The following NUP153 variants were observed in gnomAD, a reference collection of about 807,000 sequenced individuals.
NUP153 encodes the protein nucleoporin 153, also known as nuclear pore complex protein Nup153.
A neutral mutation model predicts 134.6 loss-of-function variants in NUP153; 27 were observed. The ratio of observed to expected loss-of-function variants is 0.20; its 90% confidence interval spans 0.15 to 0.28. The LOEUF (loss-of-function observed/expected upper bound fraction) is 0.28. NUP153 is among the 10% of genes least tolerant of loss of function. NUP153 has a pLI of 1.00. For synonymous variants in NUP153, 640 were observed against 623.5 expected, an observed-to-expected ratio of 1.03 and a Z score of -0.40; for missense variants, 1,821 against 1,731.3, an observed-to-expected ratio of 1.05 and a Z score of -0.92.
rs145977467 is a variant in NUP153 at position 17,691,142 on chromosome 6, C to T, written c.112-2524G>A. On this transcript the variant is annotated intron_variant, in intron 1 of 21. Transcript: ENST00000262077. ...GGGCAACAGAGCAAAAGCGAGACTC[C>T]GTCTCAAGAAAAAAAAAGGAAAGGT... Among the ~76,000 whole-genome samples, 269 of 151,690 alleles carry T rather than the reference C, an allele frequency of 1.8e-3. 1 individual carries two copies. The highest frequency in any genetic ancestry group is 5.9e-3 in the African/African-American group (245 of 41,382).
chr6:17,658,307 A>C (rs1324231433), intron 11 of NUP153, among the ~76,000 whole-genome samples: 1 of 152,296 alleles, frequency 6.6e-6, no homozygotes, highest in Admixed American at 6.5e-5. Context: ...GAGGCACAAA[A>C]ATAGCTTGAA....
chr6:17,694,677 A>T (rs562037884), intron 1 of NUP153, among the ~76,000 whole-genome samples: 1 of 151,724 alleles, frequency 6.6e-6, no homozygotes, highest in East Asian at 2.0e-4. Context: ...AAAGAAAAGA[A>T]AAAGAAATAA....
At chr6:17,686,040 T>TG (rs1319642507) in intron 2 of NUP153, among the ~76,000 whole-genome samples, 1 of 151,942 alleles carries the variant, frequency 6.6e-6, no homozygotes, top group African/African-American at 2.4e-5. Flanking sequence ...CCCAACTACT[T>TG]GGGAGGCTGA....
At chr6:17,632,567 G>T in intron 17 of NUP153, 83 bp downstream of exon 17, 1 of 953,700 alleles carries the variant, frequency 1.0e-6, no homozygotes, top group Non-Finnish European at 1.6e-6. Flanking sequence ...GAACACTGAA[G>T]CTGTTCTCAA....
rs1380222313 is a variant in NUP153, at chr6:17,706,189, C to T, written c.111+88G>A. On this transcript the variant is annotated intron_variant, in intron 1 of 21. Transcript: ENST00000262077. The surrounding 1 kb of genome is among the most constrained non-coding windows in gnomAD (Gnocchi z 5.9). ...TTTCCTCAGGCCCTCCTGTCTGCTC[C>T]ACGTGGGGCGCCGGGGCCTCGAACC... is the stretch of plus-strand genomic sequence containing the variant. The T allele has an allele frequency of 9.3e-7, 1 of 1,075,602 alleles. No individual in the cohort carries two copies. The highest frequency in any genetic ancestry group is 1.8e-5 in the Admixed American group (1 of 54,058). The allele number at this position is 1,075,602 out of a possible 1,614,324, so 66.6% of individuals were successfully genotyped here.
Position 17,618,022 on chromosome 6 carries a change from A to G in NUP153, c.4175-1327T>C, listed in dbSNP as rs115324600. Among the ~76,000 whole-genome samples, 762 of 152,248 alleles carry G rather than the reference A, an allele frequency of 5.0e-3. 10 individuals carry two copies. The highest frequency in any genetic ancestry group is 0.017 in the African/African-American group (721 of 41,542). Reference sequence around the variant, plus strand: ...ATTAAGTGTAGCTCGATATTCACAAAATACCGAGCGCTCCAGCCATCTTCC... The same window carrying G: ...ATTAAGTGTAGCTCGATATTCACAAGATACCGAGCGCTCCAGCCATCTTCC... On this transcript the variant is annotated intron_variant, in intron 20 of 21. Transcript: ENST00000262077.
At chr6:17,634,821 T>C (rs1278463585) in intron 16 of NUP153, among the ~76,000 whole-genome samples, 1 of 152,136 alleles carries the variant, frequency 6.6e-6, no homozygotes, top group Non-Finnish European at 1.5e-5. Context: ...TTCAGTTCGA[T>C]CAGTACATTA....
chr6:17,619,092 G>GGCAAAA (rs1484021179), intron 20 of NUP153, among the ~76,000 whole-genome samples: 1 of 152,120 alleles, frequency 6.6e-6, no homozygotes, highest in Non-Finnish European at 1.5e-5. Context: ...GAACAATGGA[G>GGCAAAA]GCAAAAGAGG....
intron 5 of NUP153, among the ~76,000 whole-genome samples, chr6:17,674,419 C>T (rs533467424): frequency 2.6e-5 from 4 of 152,074 alleles, no homozygotes; most frequent in East Asian, 1.9e-4. Context: ...TGTTTATATA[C>T]CCTAAATGAA....
chr6:17,672,840 T>C (rs1286642188), intron 5 of NUP153, among the ~76,000 whole-genome samples: 1 of 152,028 alleles, frequency 6.6e-6, no homozygotes, highest in Non-Finnish European at 1.5e-5. Context: ...CTTTTTAATT[T>C]AGAAAATAAA....
At chr6:17,621,338 G>A (rs1355126451) in intron 20 of NUP153, among the ~76,000 whole-genome samples, 1 of 152,130 alleles carries the variant, frequency 6.6e-6, no homozygotes, top group Non-Finnish European at 1.5e-5. Flanking sequence ...TTATGATCCA[G>A]CAATCCCACT....
rs550457046 is a variant in NUP153, at chr6:17,659,703, C to T, written c.1395+1950G>A. On this transcript the variant is annotated intron_variant, in intron 11 of 21. Transcript: ENST00000262077. ...GGCCAGGATGGTCTCGATCTCTTGA[C>T]CTCGTGATCCGCCCGCCTTGGCCTC... 2.0e-5 allele frequency among the ~76,000 whole-genome samples: 3 copies of T among 152,252 alleles called. No individual in the cohort carries two copies. The South Asian group carries it at 6.2e-4, about 32-fold the overall frequency.
intron 11 of NUP153, among the ~76,000 whole-genome samples, chr6:17,649,830 A>G (rs1052284945): frequency 6.6e-6 from 1 of 152,232 alleles, no homozygotes; most frequent in Non-Finnish European, 1.5e-5. Context: ...TGTATAAGAA[A>G]AAACACAGTA....
In NUP153 at chr6:17,698,870, T is replaced by TA. The variant is rs961294100; in HGVS notation, c.111+7406dup. 6.3e-3 allele frequency among the ~76,000 whole-genome samples: 884 copies of TA among 140,018 alleles called. 9 individuals are homozygous for TA. Among genetic ancestry groups the TA allele is most frequent in the Admixed American group, 0.023 (314 of 13,902 alleles). The allele number at this position is 140,018 out of a possible 152,430, so 91.9% of individuals were successfully genotyped here. On this transcript the variant is annotated intron_variant, in intron 1 of 21. Transcript: ENST00000262077. ...CCTGGGCAACAGAGTGACACTGTCT[T>TA]AAAAAAAAAAAAAGAAAACTCAATA...
At chr6:17,661,445 T>C (rs912343558) in intron 11 of NUP153, among the ~76,000 whole-genome samples, 3 of 152,208 alleles carry the variant, frequency 2.0e-5, no homozygotes, top group Admixed American at 2.0e-4. Flanking sequence ...TTTGAAAAAG[T>C]ATGGGTAGTT....
At chr6:17,654,007 TAAA>T (rs1213812526) in intron 11 of NUP153, among the ~76,000 whole-genome samples, 3 of 152,010 alleles carry the variant, frequency 2.0e-5, no homozygotes, top group African/African-American at 7.3e-5. Context: ...CACCAAAAAA[TAAA>T]AAAAGATGGA....
Position 17,628,854 on chromosome 6 carries a change from G to A in NUP153, c.3345C>T (p.Ser1115=), listed in dbSNP as rs748511259. The change falls in exon 18 of 22, where the codon TCC becomes TCT. Residue 1115 remains serine, a synonymous_variant. Transcript: ENST00000262077. The surrounding 1 kb of genome is among the most constrained non-coding windows in gnomAD (Gnocchi z 5.4). ...TGTCAGCTTTCTTCCCAAAAACTAG[G>A]GAAGTAGAAGTGACAGGCTCTTGCT... is the stretch of plus-strand genomic sequence containing the variant. The part of the protein sequence containing the change: ...EKQQEPVTST[S]LVFGKKADNE... 16 of 1,614,012 alleles carry A rather than the reference G, an allele frequency of 9.9e-6. No individual in the cohort carries two copies. The Admixed American group carries it at 1.7e-4, about 17-fold the overall frequency.
chr6:17,693,928 C>A (rs539665200), intron 1 of NUP153, among the ~76,000 whole-genome samples: 8 of 152,276 alleles, frequency 5.3e-5, no homozygotes, highest in African/African-American at 1.7e-4. Context: ...TAGAAATTTG[C>A]ATGGCCTCTT....
Position 17,651,382 on chromosome 6 carries a change from C to T in NUP153, c.1396-2082G>A, listed in dbSNP as rs1386263446. Among the ~76,000 whole-genome samples, 4 of 152,028 alleles carry T rather than the reference C, an allele frequency of 2.6e-5. No individual in the cohort carries two copies. The South Asian group carries it at 8.3e-4, about 32-fold the overall frequency. On this transcript the variant is annotated intron_variant, in intron 11 of 21. Transcript: ENST00000262077. ...TAAATAATAAATATTCCCTTAACCC[C>T]CAAATGGCAGCTTTCAAAAGGAACA...
Sources: allele counts gnomAD v4.1 joint callset (sites outside exome capture counted in the v4.1 genomes callset), GRCh38; gene constraint gnomAD v4.1.1; non-coding constraint Gnocchi (gnomAD v3.1); transcripts MANE v1.5; gene names NCBI Gene and HGNC (gene_info 2026-07-23, HGNC 2026-07-21).